Variants in BTRC observed in about 807,000 individuals in gnomAD.
BTRC encodes the protein beta-transducin repeat containing E3 ubiquitin protein ligase, also known as F-box/WD repeat-containing protein 1A.
A neutral mutation model predicts 85.5 loss-of-function variants in BTRC; 42 were observed. That is an observed-to-expected ratio of 0.49 (90% confidence interval 0.38 to 0.64). The LOEUF is 0.64. BTRC is among the 30% of genes least tolerant of loss of function. BTRC has a pLI of 0.00. For synonymous variants in BTRC, 255 were observed against 263.3 expected (o/e 0.97, Z 0.30); for missense variants, 594 against 743.5 (o/e 0.80, Z 2.34).
chr10:101,513,849 C>T (rs1437573329), intron 4 of BTRC, among the ~76,000 whole-genome samples: 1 of 152,182 alleles, frequency 6.6e-6, no homozygotes. Context: ...AAAAAACTGT[C>T]AACTTGTTTT....
chr10:101,446,348 G>C (rs1944826526), intron 2 of BTRC, among the ~76,000 whole-genome samples: 1 of 151,960 alleles, frequency 6.6e-6, no homozygotes, highest in African/African-American at 2.4e-5. Flanking sequence ...CTTGTCTCTT[G>C]CCTTTTTCTG....
intron 1 of BTRC, among the ~76,000 whole-genome samples, chr10:101,409,443 C>G (rs1175310487): frequency 1.3e-5 from 2 of 152,144 alleles, no homozygotes; most frequent in African/African-American, 4.8e-5. Context: ...TATGTACATA[C>G]AGTCATGTGT....
chr10:101,471,988 C>T (rs1260480107), intron 3 of BTRC, among the ~76,000 whole-genome samples: 2 of 152,176 alleles, frequency 1.3e-5, no homozygotes, highest in Admixed American at 1.3e-4. Flanking sequence ...CTTCATCGTT[C>T]TGAGTATTTC....
chr10:101,409,912 T>C (rs1197507992), intron 1 of BTRC, among the ~76,000 whole-genome samples: 1 of 152,218 alleles, frequency 6.6e-6, no homozygotes, highest in Non-Finnish European at 1.5e-5. Context: ...TTTTAATTCT[T>C]TGGATATATA....
At chr10:101,395,476 T>C (rs1943340886) in intron 1 of BTRC, among the ~76,000 whole-genome samples, 1 of 152,194 alleles carries the variant, frequency 6.6e-6, no homozygotes, top group Non-Finnish European at 1.5e-5. Context: ...GAAAAGATTC[T>C]AAAGAAAAGA....
intron 3 of BTRC, among the ~76,000 whole-genome samples, chr10:101,475,962 T>C (rs1428494239): frequency 1.4e-5 from 2 of 141,418 alleles, no homozygotes; most frequent in Non-Finnish European, 3.1e-5. Flanking sequence ...TATTCAGTAA[T>C]TCCTAAGGGG....
chr10:101,387,507 G>A (rs1170463146), intron 1 of BTRC, among the ~76,000 whole-genome samples: 2 of 98,132 alleles, frequency 2.0e-5, no homozygotes, highest in Admixed American at 2.0e-4. Context: ...GCTATTTGTG[G>A]CTTTTTATAC....
intron 2 of BTRC, among the ~76,000 whole-genome samples, chr10:101,435,695 C>T (rs1451911621): frequency 6.6e-6 from 1 of 151,734 alleles, no homozygotes; most frequent in Admixed American, 6.6e-5. Flanking sequence ...ATTTTTATTT[C>T]TCTTAGGTAC....
At chr10:101,479,003 A>G (rs1163344137) in intron 3 of BTRC, among the ~76,000 whole-genome samples, 1 of 151,954 alleles carries the variant, frequency 6.6e-6, no homozygotes, top group Non-Finnish European at 1.5e-5. Context: ...TGGTTTTGAA[A>G]GTTTAGAAGG....
chr10:101,505,129 G>GACACACA (rs1564812117), intron 4 of BTRC, among the ~76,000 whole-genome samples: 4 of 76,080 alleles, frequency 5.3e-5, no homozygotes, highest in Admixed American at 1.3e-4. Context: ...ATATATATGT[G>GACACACA]TATATATATG....
chr10:101,476,230 A>T (rs897246843), intron 3 of BTRC, among the ~76,000 whole-genome samples: 3 of 152,000 alleles, frequency 2.0e-5, no homozygotes, highest in African/African-American at 7.2e-5. Context: ...GGAAAGACTG[A>T]GGGATTGTTG....
chr10:101,409,839 A>G (rs1395329714), intron 1 of BTRC, among the ~76,000 whole-genome samples: 1 of 152,142 alleles, frequency 6.6e-6, no homozygotes, highest in Non-Finnish European at 1.5e-5. Flanking sequence ...GCTGTTTTCA[A>G]CCTTTTGCCA....
At chr10:101,372,288 G>A (rs1302332113) in intron 1 of BTRC, among the ~76,000 whole-genome samples, 2 of 145,606 alleles carry the variant, frequency 1.4e-5, no homozygotes, top group Non-Finnish European at 3.0e-5. Flanking sequence ...ATGGAGTTTC[G>A]CTCTTTCACT....
chr10:101,489,414 T>C (rs1946072115), intron 4 of BTRC, among the ~76,000 whole-genome samples: 1 of 152,198 alleles, frequency 6.6e-6, no homozygotes, highest in Non-Finnish European at 1.5e-5. Flanking sequence ...TCTTAATACT[T>C]GTATGGATTT....
intron 1 of BTRC, among the ~76,000 whole-genome samples, chr10:101,382,716 A>G (rs1431207424): frequency 1.3e-5 from 2 of 152,214 alleles, no homozygotes; most frequent in Non-Finnish European, 1.5e-5. Context: ...TGTTTCACGC[A>G]GTAGTTTTAC....
chr10:101,474,604 T>G (rs1223079364), intron 3 of BTRC, among the ~76,000 whole-genome samples: 1 of 152,216 alleles, frequency 6.6e-6, no homozygotes, highest in Non-Finnish European at 1.5e-5. Flanking sequence ...CTCCTTCCCC[T>G]GTGGTTCTCT....
chr10:101,517,578 G>A (rs1244423053), intron 4 of BTRC, among the ~76,000 whole-genome samples: 3 of 152,144 alleles, frequency 2.0e-5, no homozygotes, highest in Non-Finnish European at 2.9e-5. Flanking sequence ...TGCCACATTT[G>A]GGTTGCCTTA....
At chr10:101,545,058 A>G (rs1291307346) in intron 13 of BTRC, among the ~76,000 whole-genome samples, 3 of 152,072 alleles carry the variant, frequency 2.0e-5, no homozygotes, top group African/African-American at 7.2e-5. Flanking sequence ...CTCAAAAAAA[A>G]AAAAAGAAAA....
intron 1 of BTRC, among the ~76,000 whole-genome samples, chr10:101,415,602 C>T (rs1408509140): frequency 1.3e-5 from 2 of 148,678 alleles, no homozygotes; most frequent in Admixed American, 1.4e-4. Context: ...AGTGCAATGG[C>T]GTGATCTCGG....
Sources: allele counts gnomAD v4.1 joint callset (sites outside exome capture counted in the v4.1 genomes callset), GRCh38; gene constraint gnomAD v4.1.1; transcripts MANE v1.5; gene names NCBI Gene and HGNC (gene_info 2026-07-23, HGNC 2026-07-21).